The following TULP4 variants were observed in gnomAD, a reference collection of about 807,000 sequenced individuals.
TULP4 encodes the protein tubby-related protein 4.
Under a neutral mutation model 129.0 loss-of-function variants are expected in TULP4, and 16 were observed. That is an observed-to-expected ratio of 0.12 (90% confidence interval 0.08 to 0.19). The LOEUF (loss-of-function observed/expected upper bound fraction) is 0.19, where lower values mean the gene tolerates loss of function less well. Ranked by LOEUF, TULP4 falls within the 10% of genes least tolerant of loss-of-function variation. The probability of loss-of-function intolerance (pLI) is 1.00; values close to 1 mark genes in which losing one functional copy is unlikely to be tolerated. For synonymous variants in TULP4, 998 were observed against 854.0 expected (o/e 1.17, Z -2.94); for missense variants, 1,842 against 2,059.1 (o/e 0.89, Z 2.04).
chr6:158,282,425 A>G (rs1778770561), intron 1 of TULP4: 1 of 152,142 alleles, frequency 6.6e-6, no homozygotes, highest in African/African-American at 2.4e-5. Context: ...GAACTAGATG[A>G]TATAAATCAT....
chr6:158,301,641 A>G (rs9346743), intron 1 of TULP4, among the ~76,000 whole-genome samples: 131,922 of 152,188 alleles, frequency 0.87, 57,544 homozygotes, highest in Admixed American at 0.92. Flanking sequence ...ACACCACTCC[A>G]CTAAGTCATT....
chr6:158,265,424 G>C (rs1437044863), intron 1 of TULP4, among the ~76,000 whole-genome samples: 1 of 152,074 alleles, frequency 6.6e-6, no homozygotes, highest in African/African-American at 2.4e-5. Context: ...GCGCACCCCT[G>C]TAATCCCAGC....
rs1034125516 is a variant in TULP4, at chr6:158,489,530, T to G, written c.1487-58T>G. On this transcript the variant is annotated intron_variant, in intron 8 of 13. Coordinates refer to ENST00000367097, the MANE Select transcript of TULP4 (RefSeq NM_020245.5). ...GTCTTTTAGTTTATAGTAATGATCA[T>G]TGGTAGGGGCTAATTGATATAACTT... is the stretch of plus-strand genomic sequence containing the variant. 3 of 1,602,512 alleles carry G rather than the reference T, an allele frequency of 1.9e-6. 1 individual carries two copies. In the Middle Eastern group the frequency reaches 5.6e-4, roughly 299 times the overall value.
In TULP4 at chr6:158,382,470, G is replaced by A. The variant is rs946026643; in HGVS notation, c.253-30595G>A. On this transcript the variant is annotated intron_variant, in intron 1 of 13. Transcript: ENST00000367097. ...GTGGATAATGAGCTGTGTCCTCTTT[G>A]CTTTTTTGCCATTTGCCATGCTCCT... 5.3e-5 allele frequency among the ~76,000 whole-genome samples: 8 copies of A among 152,222 alleles called. No homozygotes were observed. The East Asian group carries it at 1.5e-3, about 29-fold the overall frequency.
chr6:158,307,749 G>A (rs1311524489), upstream of TULP4, among the ~76,000 whole-genome samples: 4 of 152,068 alleles, frequency 2.6e-5, no homozygotes, highest in Non-Finnish European at 4.4e-5. Context: ...CCAAAGTCTT[G>A]TACCTTGAAT....
intron 11 of TULP4, among the ~76,000 whole-genome samples, chr6:158,498,051 C>T (rs1780369546): frequency 6.6e-6 from 1 of 152,160 alleles, no homozygotes; most frequent in African/African-American, 2.4e-5. Context: ...CCTACATGTC[C>T]CTGTTAATCA....
At chr6:158,409,448 A>C (rs1778041009) in intron 1 of TULP4, among the ~76,000 whole-genome samples, 2 of 152,180 alleles carry the variant, frequency 1.3e-5, no homozygotes, top group Admixed American at 1.3e-4. Flanking sequence ...AGTCAACGAG[A>C]GTCACATTCT....
intron 1 of TULP4, among the ~76,000 whole-genome samples, chr6:158,334,717 C>G (rs929324732): frequency 6.6e-6 from 1 of 152,298 alleles, no homozygotes; most frequent in African/African-American, 2.4e-5. Flanking sequence ...CTCCAAAATT[C>G]ACATGTTGAA....
intron 1 of TULP4, among the ~76,000 whole-genome samples, chr6:158,365,478 C>CT (rs1253762841): frequency 2.5e-3 from 209 of 82,942 alleles, no homozygotes; most frequent in African/African-American, 4.2e-3. Flanking sequence ...TTTCTTTTTT[C>CT]TTTTTTTTTT....
At position 158,503,395 on chromosome 6, in the gene TULP4, C is replaced by T; in HGVS notation, c.3732C>T (p.Tyr1244=). Residue 1244 remains tyrosine, a synonymous_variant, in exon 13 of 14, where the codon TAC becomes TAT. Transcript: ENST00000367097. The surrounding 1 kb of genome is among the most constrained non-coding windows in gnomAD (Gnocchi z 4.3). ...CCTATTGCACCCTGCCCCCCATGTACCCAGGAAGCAGCACGTGCTCTAGTT... is the reference window on the plus strand; with the variant it reads ...CCTATTGCACCCTGCCCCCCATGTATCCAGGAAGCAGCACGTGCTCTAGTT... ...SLSYCTLPPM[Y]PGSSTCSSLQ... 6.2e-7 allele frequency: 1 copy of T among 1,613,934 alleles called. No homozygotes were observed. The highest frequency in any genetic ancestry group is 8.5e-7 in the Non-Finnish European group (1 of 1,180,024).
intron 1 of TULP4, among the ~76,000 whole-genome samples, chr6:158,368,446 A>G (rs1422458457): frequency 6.6e-6 from 1 of 152,076 alleles, no homozygotes; most frequent in Non-Finnish European, 1.5e-5. Flanking sequence ...GGGTAGTTTA[A>G]CTTCTTGATT....
chr6:158,350,698 C>T (rs1780494989), intron 1 of TULP4, among the ~76,000 whole-genome samples: 1 of 151,506 alleles, frequency 6.6e-6, no homozygotes, highest in Non-Finnish European at 1.5e-5. Context: ...ACAATCCAGG[C>T]TTGGCAAGAG....
At position 158,313,885 on chromosome 6, in the gene TULP4, G is replaced by A. The variant is rs1405968934; in HGVS notation, c.-132G>A. 1 of 975,408 alleles carries A rather than the reference G, an allele frequency of 1.0e-6. No homozygotes were observed. Among genetic ancestry groups the A allele is most frequent in the African/African-American group, 1.6e-5 (1 of 61,008 alleles). The allele number at this position is 975,408 out of a possible 1,614,324, so 60.4% of individuals were successfully genotyped here. A position where few individuals can be genotyped will look rare whatever the true frequency, so the allele number is the denominator to read the frequency against. Reference sequence around the variant, plus strand: ...ATACTGACCTTCTAATTAGATTCAGGTCAGTCTTAATTAAAGGGGGAAAAA... The same window carrying A: ...ATACTGACCTTCTAATTAGATTCAGATCAGTCTTAATTAAAGGGGGAAAAA... On this transcript the variant is annotated 5_prime_UTR_variant, in exon 1 of 14. Coordinates refer to ENST00000367097, the MANE Select transcript of TULP4 (RefSeq NM_020245.5).
At position 158,502,037 on chromosome 6, in the gene TULP4, G is replaced by C; in HGVS notation, c.2374G>C (p.Asp792His). 6.2e-7 allele frequency: 1 copy of C among 1,613,678 alleles called. No individual in the cohort carries two copies. The highest frequency in any genetic ancestry group is 1.3e-5 in the African/African-American group (1 of 74,926). ...PMQLSTVGHG[D>H]RDHEHLQKSA... ...GCAGCTGTCCACGGTGGGCCATGGA[G>C]ACCGAGACCACGAACACCTGCAGAA... The change falls in exon 13 of 14, where the codon GAC becomes CAC. Residue 792 changes from aspartate (D) to histidine (H), a missense_variant. Coordinates refer to ENST00000367097, the MANE Select transcript of TULP4 (RefSeq NM_020245.5).
chr6:158,256,127 A>G (rs1172123483), intron 1 of TULP4, among the ~76,000 whole-genome samples: 2 of 152,220 alleles, frequency 1.3e-5, no homozygotes, highest in East Asian at 3.8e-4. Context: ...TTAACATTCC[A>G]GAGTTGAGTT....
In TULP4 at chr6:158,503,168, A is replaced by G. The variant is rs1379452511; in HGVS notation, c.3505A>G (p.Ile1169Val). The G allele has an allele frequency of 1.6e-5, 26 of 1,613,154 alleles. No homozygotes were observed. The highest frequency in any genetic ancestry group is 1.9e-5 in the Non-Finnish European group (23 of 1,179,540). Residue 1169 changes from isoleucine to valine, a missense_variant, in exon 13 of 14, where the codon ATC becomes GTC. Ile to Val is a conservative substitution (Grantham distance 29, BLOSUM62 3). Coordinates refer to ENST00000367097, the MANE Select transcript of TULP4 (RefSeq NM_020245.5). This position sits in a 1 kb window ranked among gnomAD's most constrained non-coding sequence, Gnocchi z 4.3. ...CCTGGACGTGTCCCGACTGCCCTTC[A>G]TCTCCCCCAAGTCTCCTGCCAGCCC... ...QHLDVSRLPF[I>V]SPKSPASPTA... is the part of the protein sequence containing the mutation.
At position 158,313,225 on chromosome 6, in the gene TULP4, C is replaced by T. The variant is rs911612543; in HGVS notation, c.-792C>T. ...CTAGCCTCTATGGCACTGAGGGGTG[C>T]GCCGGCTGGTGGAGGAGCAGTCCGA... On this transcript the variant is annotated 5_prime_UTR_variant, in exon 1 of 14. Coordinates refer to ENST00000367097, the MANE Select transcript of TULP4 (RefSeq NM_020245.5). 1.3e-4 allele frequency: 45 copies of T among 341,812 alleles called. No individual in the cohort carries two copies. The highest frequency in any genetic ancestry group is 2.4e-4 in the Admixed American group (5 of 21,050). 21.2% of individuals were successfully genotyped at this position (341,812 alleles called of 1,614,324 possible).
At chr6:158,325,554 G>A (rs1477790361) in intron 1 of TULP4, among the ~76,000 whole-genome samples, 5 of 151,902 alleles carry the variant, frequency 3.3e-5, no homozygotes, top group Middle Eastern at 3.4e-3. Context: ...GGATTTCACC[G>A]TGTTAGCCAG....
At chr6:158,239,465 C>A (rs1323575701) in intron 1 of TULP4, among the ~76,000 whole-genome samples, 9 of 52,270 alleles carry the variant, frequency 1.7e-4, no homozygotes, top group Non-Finnish European at 3.0e-4. Context: ...GGGGGGCTGA[C>A]CCCCCCACCT....
Sources: allele counts gnomAD v4.1 joint callset (sites outside exome capture counted in the v4.1 genomes callset), GRCh38; gene constraint gnomAD v4.1.1; non-coding constraint Gnocchi (gnomAD v3.1); transcripts MANE v1.5; gene names NCBI Gene and HGNC (gene_info 2026-07-23, HGNC 2026-07-21).